The following PIWIL1 variants were observed in gnomAD, a reference collection of about 807,000 sequenced individuals.
PIWIL1 encodes piwi like RNA-mediated gene silencing 1, also known as piwi-like protein 1.
In PIWIL1, 73 loss-of-function variants were observed where a neutral mutation model predicts 114.4. That is an observed-to-expected ratio of 0.64 (90% CI 0.53 to 0.78). The LOEUF is 0.78. Ranked by LOEUF, PIWIL1 falls within the 30% of genes least tolerant of loss-of-function variation. The probability of loss-of-function intolerance (pLI) is 0.00; values close to 1 mark genes in which losing one functional copy is unlikely to be tolerated. For synonymous variants in PIWIL1, 375 were observed against 369.0 expected (o/e 1.02, Z -0.19); for missense variants, 723 against 1,063.1 (o/e 0.68, Z 4.45).
chr12:130,364,362 A>G (rs759188272), intron 18 of PIWIL1, among the ~76,000 whole-genome samples: 14 of 152,208 alleles, frequency 9.2e-5, no homozygotes, highest in Non-Finnish European at 1.8e-4. Context: ...GTGCGTAGGA[A>G]AAGGACAAGC....
At chr12:130,394,226 C>T in the PIWIL1 span, among the ~76,000 whole-genome samples, 3 of 152,112 alleles carry the variant, frequency 2.0e-5, no homozygotes, top group Non-Finnish European at 4.4e-5. Context: ...GTTGTTCTAC[C>T]ATAAGCTCCA....
intron 2 of PIWIL1, 44 bp downstream of exon 2, chr12:130,342,713 C>T: frequency 7.0e-7 from 1 of 1,419,044 alleles, no homozygotes. Flanking sequence ...GTCTTTGACT[C>T]TTGATCAGCC....
chr12:130,411,174 T>C, the PIWIL1 span, among the ~76,000 whole-genome samples: 1 of 152,150 alleles, frequency 6.6e-6, no homozygotes, highest in Non-Finnish European at 1.5e-5. Context: ...GAAATAGAAC[T>C]GATTTTTGTA....
At chr12:130,370,840 A>G (rs1309252704) in intron 19 of PIWIL1, among the ~76,000 whole-genome samples, 1 of 152,156 alleles carries the variant, frequency 6.6e-6, no homozygotes, top group Non-Finnish European at 1.5e-5. Context: ...GCTCAGTCAC[A>G]TGGTTCGGGG....
At position 130,349,402 on chromosome 12, in the gene PIWIL1, T is replaced by A; in HGVS notation, c.898T>A (p.Ser300Thr). 1 of 1,612,952 alleles carries A rather than the reference T, an allele frequency of 6.2e-7. No homozygotes were observed. The highest frequency in any genetic ancestry group is 8.5e-7 in the Non-Finnish European group (1 of 1,179,032). Residue 300 changes from serine to threonine, a missense_variant, in exon 8 of 21, where the codon TCC becomes ACC. Transcript: ENST00000245255. Reference protein sequence around the residue: ...TEEHKFQEQVSKELIGLVVLT... With the variant: ...TEEHKFQEQVTKELIGLVVLT... ...AGAACATAAATTTCAAGAACAAGTT[T>A]CCAAAGAACTAATAGGTTTAGTTGT... is the stretch of plus-strand genomic sequence containing the variant.
At chr12:130,409,759 T>C in the PIWIL1 span, among the ~76,000 whole-genome samples, 2 of 152,166 alleles carry the variant, frequency 1.3e-5, no homozygotes, top group Non-Finnish European at 2.9e-5. Flanking sequence ...CCCCATTGTG[T>C]GGGGCGCCTT....
Position 130,351,892 on chromosome 12 carries a change from C to T in PIWIL1, c.1044+1925C>T, listed in dbSNP as rs558115218. Reference sequence around the variant, plus strand: ...ATCTGTTCTTCTTCTTCCCCTTCCCCCCAGAAGTGATGTGGCACCCGTGGC... The same window carrying T: ...ATCTGTTCTTCTTCTTCCCCTTCCCTCCAGAAGTGATGTGGCACCCGTGGC... On this transcript the variant is annotated intron_variant, in intron 9 of 20. Coordinates refer to ENST00000245255, the MANE Select transcript of PIWIL1 (RefSeq NM_004764.5). 5.8e-4 allele frequency among the ~76,000 whole-genome samples: 88 copies of T among 152,282 alleles called. 2 individuals carry two copies. Among genetic ancestry groups the T allele is most frequent in the Admixed American group, 4.8e-3 (73 of 15,298 alleles).
At chr12:130,395,577 G>GCAA in the PIWIL1 span, among the ~76,000 whole-genome samples, 1 of 152,110 alleles carries the variant, frequency 6.6e-6, no homozygotes, top group Non-Finnish European at 1.5e-5. Context: ...CTTTTTGTTA[G>GCAA]CAACTCTTCA....
At chr12:130,420,655 T>C in the PIWIL1 span, among the ~76,000 whole-genome samples, 1 of 151,884 alleles carries the variant, frequency 6.6e-6, no homozygotes, top group African/African-American at 2.4e-5. The surrounding 1 kb of genome is among the most constrained non-coding windows in gnomAD (Gnocchi z 4.3). Context: ...TCTAGGAAAA[T>C]AGCAAACCAA....
At chr12:130,354,687 G>A (rs760453817) in intron 10 of PIWIL1, 24 bp downstream of exon 10, 32 of 1,550,196 alleles carry the variant, frequency 2.1e-5, no homozygotes, top group Middle Eastern at 3.5e-4. Flanking sequence ...TCATTTACTC[G>A]GAAGGAAGCC....
At chr12:130,354,334 G>T (rs1196655769) in intron 9 of PIWIL1, among the ~76,000 whole-genome samples, 1 of 152,038 alleles carries the variant, frequency 6.6e-6, no homozygotes, top group Non-Finnish European at 1.5e-5. Context: ...AAAAGATAGG[G>T]CACTCAGTAG....
chr12:130,350,490 G>A (rs1209442110), intron 9 of PIWIL1, among the ~76,000 whole-genome samples: 1 of 152,190 alleles, frequency 6.6e-6, no homozygotes, highest in Non-Finnish European at 1.5e-5. Context: ...ATCTAAAACA[G>A]TTTTTAAAGA....
chr12:130,346,294 C>T (rs759534242), intron 4 of PIWIL1, 76 bp from the exon 5 acceptor site: 4 of 1,137,816 alleles, frequency 3.5e-6, no homozygotes, highest in Non-Finnish European at 3.9e-6. Context: ...ACTGTGCCTG[C>T]CTTGTCATGG....
rs187863102 is a variant in PIWIL1, at chr12:130,357,082, C to T, written c.1569C>T (p.Gly523=). 6.2e-7 allele frequency: 1 copy of T among 1,609,448 alleles called. No homozygotes were observed. Among genetic ancestry groups the T allele is most frequent in the African/African-American group, 1.3e-5 (1 of 74,888 alleles). Residue 523 remains glycine, a synonymous_variant, in exon 13 of 21, where the codon GGC becomes GGT. Transcript: ENST00000245255. The stretch of plus-strand genomic sequence containing the variant: ...TATTTAAAGTTACACCAGCCATGGG[C>T]ATGCAAATGAGAAAAGCAATAATGT... ...QNLFKVTPAM[G]MQMRKAIMIE...
At chr12:130,376,197 G>A (rs959069743), downstream of PIWIL1, among the ~76,000 whole-genome samples, 1 of 152,112 alleles carries the variant, frequency 6.6e-6, no homozygotes, top group Admixed American at 6.5e-5. Context: ...AGACTTCTTG[G>A]TCTCGGAACT....
At chr12:130,359,193 C>A (rs1277140173) in intron 14 of PIWIL1, among the ~76,000 whole-genome samples, 3 of 152,132 alleles carry the variant, frequency 2.0e-5, no homozygotes, top group African/African-American at 7.2e-5. Flanking sequence ...CACACCCAGC[C>A]TAATGTAGCA....
rs1398192911 is a variant in PIWIL1 at position 130,362,829 on chromosome 12, C to T, written c.2034C>T (p.Cys678=). Reference sequence around the variant, plus strand: ...AGCTGGTAGATGGGCTCAAAGTCTGCCTGCAAGGTTAGTCACCTGTGGGGT... The same window carrying T: ...AGCTGGTAGATGGGCTCAAAGTCTGTCTGCAAGGTTAGTCACCTGTGGGGT... ...GQELVDGLKV[C]LQAALRAWNS... Residue 678 remains cysteine, a synonymous_variant, in exon 17 of 21, where the codon TGC becomes TGT. Transcript: ENST00000245255. 1.9e-6 allele frequency: 3 copies of T among 1,613,902 alleles called. No individual in the cohort carries two copies. The highest frequency in any genetic ancestry group is 2.2e-5 in the South Asian group (2 of 91,070).
chr12:130,357,137 A>T, intron 13 of PIWIL1, 32 bp downstream of exon 13: 1 of 1,549,998 alleles, frequency 6.5e-7, no homozygotes, highest in Non-Finnish European at 8.8e-7. Context: ...TGCTCTGAAA[A>T]TTGCTTGGCA....
intron 16 of PIWIL1, among the ~76,000 whole-genome samples, 181 bp downstream of exon 16, chr12:130,361,782 G>A (rs1426826560): frequency 1.3e-5 from 2 of 152,088 alleles, no homozygotes; most frequent in African/African-American, 2.4e-5. Context: ...TCCTGTATTC[G>A]TCAAACTGCA....
Sources: allele counts gnomAD v4.1 joint callset (sites outside exome capture counted in the v4.1 genomes callset), GRCh38; gene constraint gnomAD v4.1.1; non-coding constraint Gnocchi (gnomAD v3.1); transcripts MANE v1.5; gene names NCBI Gene and HGNC (gene_info 2026-07-23, HGNC 2026-07-21).